The following RGMA variants were observed in gnomAD, a reference collection of about 807,000 sequenced individuals.
The protein encoded by RGMA is repulsive guidance molecule A.
In RGMA, 10 loss-of-function variants were observed where a neutral mutation model predicts 23.2. The ratio of observed to expected loss-of-function variants is 0.43; its 90% CI spans 0.27 to 0.73. The LOEUF (loss-of-function observed/expected upper bound fraction) is 0.73, where lower values mean the gene tolerates loss of function less well. Among genes scored for constraint, RGMA ranks in the 30% least tolerant of loss-of-function variants. RGMA has a pLI of 0.20. For missense variants in RGMA, 547 were observed against 630.5 expected, an observed-to-expected ratio of 0.87 and a Z score of 1.42; for synonymous variants, 308 against 279.3, an observed-to-expected ratio of 1.10 and a Z score of -1.03.
chr15:93,048,691 T>C (rs2054868017), intron 3 of RGMA, among the ~76,000 whole-genome samples: 2 of 152,146 alleles, frequency 1.3e-5, no homozygotes, highest in Non-Finnish European at 2.9e-5. Context: ...CTACCATTCC[T>C]GACCTATGGA....
chr15:93,087,909 T>TC (rs1272228748), intron 1 of RGMA, among the ~76,000 whole-genome samples: 3 of 152,004 alleles, frequency 2.0e-5, no homozygotes, highest in Non-Finnish European at 2.9e-5. Context: ...TTCTGTAGCC[T>TC]CCTTCCTGGA....
At position 93,039,399 on chromosome 15, in the gene RGMA, AATTATG is replaced by A. The variant is rs1179206819; in HGVS notation, c.*5593_*5598del. 2 of 152,136 alleles carry A rather than the reference AATTATG, an allele frequency of 1.3e-5. No homozygotes were observed. The highest frequency in any genetic ancestry group is 2.9e-5 in the Non-Finnish European group (2 of 68,038). The allele number at this position is 152,136 out of a possible 1,614,324, so 9.4% of individuals were successfully genotyped here. ...CAAAGGCCATCATTTCTTTTCTTAA[AATTATG>A]ATTATACTTTCAGTTATGGGGTACA... On this transcript the variant is annotated 3_prime_UTR_variant, in exon 4 of 4. Transcript: ENST00000329082.
At chr15:93,070,087 G>A (rs1263573085) in intron 2 of RGMA, among the ~76,000 whole-genome samples, 1 of 152,096 alleles carries the variant, frequency 6.6e-6, no homozygotes, top group Non-Finnish European at 1.5e-5. Flanking sequence ...ACAGTGCAGG[G>A]GCCCTTTCTC....
chr15:93,081,113 T>C (rs1008859811), intron 1 of RGMA, among the ~76,000 whole-genome samples: 1 of 152,172 alleles, frequency 6.6e-6, no homozygotes, highest in Admixed American at 6.5e-5. Flanking sequence ...GGGGTGGTCC[T>C]AACTCCAGCT....
intron 2 of RGMA, chr15:93,065,581 G>C (rs550092210): frequency 3.9e-6 from 3 of 761,490 alleles, no homozygotes; most frequent in Admixed American, 3.6e-5. Context: ...CTTTGAGTTG[G>C]AATCACTCCA....
At chr15:93,057,489 C>T (rs1377397815) in intron 2 of RGMA, among the ~76,000 whole-genome samples, 2 of 152,182 alleles carry the variant, frequency 1.3e-5, no homozygotes, top group African/African-American at 4.8e-5. Context: ...GGGAGGAGGG[C>T]CCTCTCTCTA....
chr15:93,083,465 C>A (rs565350152), intron 1 of RGMA, among the ~76,000 whole-genome samples: 10 of 152,256 alleles, frequency 6.6e-5, no homozygotes, highest in African/African-American at 2.2e-4. Flanking sequence ...GCAGCTGGGA[C>A]CACAGGTGCA....
At chr15:93,070,004 G>C (rs1004355342) in intron 2 of RGMA, among the ~76,000 whole-genome samples, 4 of 152,210 alleles carry the variant, frequency 2.6e-5, no homozygotes, top group African/African-American at 9.7e-5. Context: ...TCCCTTCCTA[G>C]GTAGACGTGG....
At chr15:93,084,098 G>A (rs1367733924) in intron 1 of RGMA, among the ~76,000 whole-genome samples, 1 of 152,126 alleles carries the variant, frequency 6.6e-6, no homozygotes, top group Middle Eastern at 3.2e-3. Flanking sequence ...AACTTTTTAC[G>A]ATTCTATGAA....
chr15:93,051,230 G>A (rs754093539), intron 3 of RGMA, among the ~76,000 whole-genome samples: 1 of 152,226 alleles, frequency 6.6e-6, no homozygotes, highest in Admixed American at 6.5e-5. Context: ...GGGTGTGGAG[G>A]GGTGGGAAGG....
Position 93,044,665 on chromosome 15 carries a change from ACT to A in RGMA, c.*331_*332del, listed in dbSNP as rs1305708457. 7 of 358,142 alleles carry A rather than the reference ACT, an allele frequency of 2.0e-5. No individual in the cohort carries two copies. Among genetic ancestry groups the A allele is most frequent in the South Asian group, 7.7e-5 (2 of 25,958 alleles). 22.2% of individuals were successfully genotyped at this position (358,142 alleles called of 1,614,324 possible). On this transcript the variant is annotated 3_prime_UTR_variant, in exon 4 of 4. Coordinates refer to ENST00000329082, the MANE Select transcript of RGMA (RefSeq NM_020211.3). Reference sequence around the variant, plus strand: ...GTGCATTGCGAGGGGGAAGGAGCTGACTCTGACGGTTCCCAGTGTGTCTCTGG... The same window carrying A: ...GTGCATTGCGAGGGGGAAGGAGCTGACTGACGGTTCCCAGTGTGTCTCTGG...
At chr15:93,067,686 G>T (rs550469033) in intron 2 of RGMA, among the ~76,000 whole-genome samples, 4 of 152,154 alleles carry the variant, frequency 2.6e-5, no homozygotes, top group Non-Finnish European at 1.5e-5. Flanking sequence ...AGGCAAGCAG[G>T]GAGCAAAGGG....
chr15:93,079,991 T>A (rs577949747), intron 1 of RGMA, among the ~76,000 whole-genome samples: 1 of 152,226 alleles, frequency 6.6e-6, no homozygotes, highest in South Asian at 2.1e-4. Flanking sequence ...GTAAAGAATA[T>A]CACCTGAGCT....
chr15:93,062,427 G>T (rs1198394824), intron 2 of RGMA, among the ~76,000 whole-genome samples: 1 of 152,202 alleles, frequency 6.6e-6, no homozygotes, highest in African/African-American at 2.4e-5. Context: ...GAATTTGACG[G>T]GTGATGAAGG....
At chr15:93,054,213 G>C in intron 2 of RGMA, among the ~76,000 whole-genome samples, 1 of 131,296 alleles carries the variant, frequency 7.6e-6, no homozygotes. Context: ...CTGGGAGACA[G>C]AGCAAGACTC....
Position 93,052,059 on chromosome 15 carries a change from A to G in RGMA, c.579T>C (p.Asn193=), listed in dbSNP as rs745956335. The G allele has an allele frequency of 6.2e-7, 1 of 1,612,528 alleles. No homozygotes were observed. Among genetic ancestry groups the G allele is most frequent in the Non-Finnish European group, 8.5e-7 (1 of 1,179,372 alleles). ...VQGAWPLIDN[N]YLNVQVTNTP... ...TGTTGGTGACCTGCACGTTCAGGTA[A>G]TTATTGTCGATGAGCGGCCAGGCGC... Residue 193 remains asparagine (N), a synonymous_variant, in exon 3 of 4, where the codon AAT becomes AAC. Transcript: ENST00000329082.
rs550642834 is a variant in RGMA, at chr15:93,040,486, G to A, written c.*4512C>T. 3 of 152,334 alleles carry A rather than the reference G, an allele frequency of 2.0e-5. No homozygotes were observed. Among genetic ancestry groups the A allele is most frequent in the East Asian group, 3.9e-4 (2 of 5,174 alleles). 9.4% of individuals were successfully genotyped at this position (152,334 alleles called of 1,614,324 possible). ...TTTCTCTGCACAGAATGCTCTGTCC[G>A]GCTCTGCATGGCTTGTTCCTGAAAT... On this transcript the variant is annotated 3_prime_UTR_variant, in exon 4 of 4. Transcript: ENST00000329082.
chr15:93,082,401 C>T (rs953261958), intron 1 of RGMA, among the ~76,000 whole-genome samples: 4 of 152,236 alleles, frequency 2.6e-5, no homozygotes, highest in East Asian at 3.8e-4. Context: ...AACTATGCCA[C>T]GGGCACAGCC....
At chr15:93,073,124 G>T (rs1306670240) in intron 1 of RGMA, 93 bp from the exon 2 acceptor site, 1 of 1,332,618 alleles carries the variant, frequency 7.5e-7, no homozygotes, top group Non-Finnish European at 9.6e-7. Flanking sequence ...GAGCCGGGAG[G>T]CTCCGTCCAC....
Sources: allele counts gnomAD v4.1 joint callset (sites outside exome capture counted in the v4.1 genomes callset), GRCh38; gene constraint gnomAD v4.1.1; transcripts MANE v1.5; gene names NCBI Gene and HGNC (gene_info 2026-07-23, HGNC 2026-07-21).